Variants in SI observed in about 807,000 individuals in gnomAD.
SI encodes the protein sucrase-isomaltase.
In SI, 235 loss-of-function variants were observed where a neutral mutation model predicts 253.3. The observed-to-expected ratio is 0.93, with a 90% CI of 0.83 to 1.03. The LOEUF is 1.03. Ranked by LOEUF, SI falls within the 50% of genes least tolerant of loss-of-function variation. The pLI, the probability that SI is intolerant of heterozygous loss-of-function variation, is 0.00. For synonymous variants in SI, 819 were observed against 712.0 expected (o/e 1.15, Z -2.39); for missense variants, 2,442 against 2,211.1 (o/e 1.10, Z -2.09).
chr3:165,033,316 C>T, intron 23 of SI, 79 bp downstream of exon 23: 6 of 1,300,916 alleles, frequency 4.6e-6, no homozygotes, highest in Non-Finnish European at 6.1e-6. Flanking sequence ...AACATCTTTT[C>T]CAAAAAATTT....
At chr3:164,989,426 A>AAGAAAGAAAGAAAGAG (rs1233314374) in intron 44 of SI, among the ~76,000 whole-genome samples, 77 of 148,906 alleles carry the variant, frequency 5.2e-4, no homozygotes, top group South Asian at 2.4e-3. Flanking sequence ...GAAAGAAAGA[A>AAGAAAGAAAGAAAGAG]AGAAAGAAAG....
At chr3:165,088,941 T>G in the SI span, among the ~76,000 whole-genome samples, 6 of 152,016 alleles carry the variant, frequency 3.9e-5, no homozygotes, top group African/African-American at 1.4e-4. Flanking sequence ...TAATTAAATT[T>G]TAGGTAACAT....
At chr3:164,979,470 C>T (rs915855813) in intron 47 of SI, 40 bp from the exon 48 acceptor site, 3 of 1,122,444 alleles carry the variant, frequency 2.7e-6, no homozygotes, top group African/African-American at 1.5e-5. Context: ...TAATCACAAC[C>T]ACATTTTTCT....
chr3:164,992,777 T>C (rs1025559619), intron 41 of SI, among the ~76,000 whole-genome samples: 6 of 151,892 alleles, frequency 4.0e-5, no homozygotes, highest in African/African-American at 9.7e-5. Flanking sequence ...AGACATACTG[T>C]AAGAATTTTA....
chr3:165,040,022 C>T (rs1353234123), intron 18 of SI, 51 bp from the exon 19 acceptor site: 2 of 1,399,214 alleles, frequency 1.4e-6, no homozygotes, highest in African/African-American at 1.4e-5. Context: ...ATAAGTTTAT[C>T]CAAATTCCTG....
At chr3:165,040,019 T>A in intron 18 of SI, 48 bp from the exon 19 acceptor site, 1 of 1,419,738 alleles carries the variant, frequency 7.0e-7, no homozygotes, top group Non-Finnish European at 1.0e-6. Flanking sequence ...AAAATAAGTT[T>A]ATCCAAATTC....
At chr3:165,021,565 A>G (rs891190607) in intron 26 of SI, among the ~76,000 whole-genome samples, 182 bp from the exon 27 acceptor site, 1 of 151,640 alleles carries the variant, frequency 6.6e-6, no homozygotes, top group African/African-American at 2.4e-5. Flanking sequence ...CACATTTATA[A>G]TGGGTCCTAA....
At chr3:164,983,489 G>T (rs1459035946) in intron 45 of SI, among the ~76,000 whole-genome samples, 1 of 152,152 alleles carries the variant, frequency 6.6e-6, no homozygotes, top group African/African-American at 2.4e-5. Flanking sequence ...AGTGTCATTT[G>T]AAAAAACAAA....
chr3:164,984,174 A>G (rs1275366479), intron 45 of SI, among the ~76,000 whole-genome samples: 1 of 152,136 alleles, frequency 6.6e-6, no homozygotes, highest in Non-Finnish European at 1.5e-5. Context: ...AAAAACAAAT[A>G]AGCATACATA....
At chr3:165,029,766 C>T (rs1712134599) in intron 25 of SI, among the ~76,000 whole-genome samples, 1 of 150,046 alleles carries the variant, frequency 6.7e-6, no homozygotes, top group South Asian at 2.1e-4. Context: ...ATAAAGTTAG[C>T]ATACTTTGAA....
At chr3:165,031,061 T>C (rs1199480535) in intron 24 of SI, among the ~76,000 whole-genome samples, 194 bp from the exon 25 acceptor site, 1 of 149,960 alleles carries the variant, frequency 6.7e-6, no homozygotes, top group Non-Finnish European at 1.5e-5. Context: ...AAAATATATA[T>C]GCAATATATA....
At chr3:165,015,096 T>G in intron 33 of SI, 27 bp downstream of exon 33, 2 of 1,508,406 alleles carry the variant, frequency 1.3e-6, no homozygotes, top group Non-Finnish European at 9.2e-7. Flanking sequence ...TTTGTATTTA[T>G]TCTATTTCAA....
At position 165,043,065 on chromosome 3, in the gene SI, T is replaced by A; in HGVS notation, c.1998A>T (p.Gly666=). 6.3e-7 allele frequency: 1 copy of A among 1,588,536 alleles called. No homozygotes were observed. Among genetic ancestry groups the A allele is most frequent in the African/African-American group, 1.3e-5 (1 of 74,458 alleles). Residue 666 remains glycine (G), a synonymous_variant, in exon 17 of 48, where the codon GGA becomes GGT. Transcript: ENST00000264382. ...GAGAACAAGAGGCTCTTACTTCATA[T>A]CCGTCAGAATTATGGTTTCTGGAAA... ...YPFSRNHNSD[G]YEHQDPAFFG...
chr3:165,021,106 A>G, intron 27 of SI, 123 bp downstream of exon 27: 1 of 785,338 alleles, frequency 1.3e-6, no homozygotes. Context: ...AAAGTTATTT[A>G]ACACGTCTTA....
At chr3:165,081,994 C>T (rs1715344912), upstream of SI, among the ~76,000 whole-genome samples, 1 of 151,936 alleles carries the variant, frequency 6.6e-6, no homozygotes, top group African/African-American at 2.4e-5. Context: ...GTCTTACACA[C>T]AGATGCATAG....
intron 6 of SI, among the ~76,000 whole-genome samples, chr3:165,066,253 T>A (rs987823488): frequency 5.9e-5 from 9 of 151,904 alleles, no homozygotes; most frequent in Admixed American, 3.3e-4. Context: ...TATACAATTT[T>A]ATATAAGGAA....
intron 7 of SI, among the ~76,000 whole-genome samples, chr3:165,064,965 T>A (rs1222245945): frequency 6.6e-6 from 1 of 152,052 alleles, no homozygotes; most frequent in Non-Finnish European, 1.5e-5. Flanking sequence ...TAGCTATTGA[T>A]GGATATAAGT....
At chr3:164,984,111 G>A (rs1016811646) in intron 45 of SI, among the ~76,000 whole-genome samples, 3 of 152,030 alleles carry the variant, frequency 2.0e-5, no homozygotes, top group African/African-American at 7.2e-5. Flanking sequence ...TACTGTCAAT[G>A]TCTGGAATCA....
chr3:165,019,625 A>G lies in SI; in HGVS notation c.3400T>C (p.Phe1134Leu), dbSNP rs750994068. 10 of 1,612,520 alleles carry G rather than the reference A, an allele frequency of 6.2e-6. No homozygotes were observed. In the South Asian group the frequency reaches 1.1e-4, roughly 18 times the overall value. Residue 1134 changes from phenylalanine (F) to leucine (L), a missense_variant, in exon 28 of 48, where the codon TTC becomes CTC. Coordinates refer to ENST00000264382, the MANE Select transcript of SI (RefSeq NM_001041.4). ...ACACCAGGGGGTTGGTCTCTTGTGA[A>G]CATTCCCCAAGTATTCCAGTTCAGA... ...RDLNWNTWGMFTRDQPPGYKL... is the reference protein window; with the variant it reads ...RDLNWNTWGMLTRDQPPGYKL...
Sources: gnomAD v4.1 joint callset for allele counts (sites outside exome capture counted in the v4.1 genomes callset) on GRCh38, gnomAD v4.1.1 for gene constraint, MANE v1.5 for transcripts, NCBI Gene and HGNC (gene_info 2026-07-23, HGNC 2026-07-21) for gene names.